Variants in PCDH7 observed in about 807,000 individuals in gnomAD.
PCDH7 encodes protocadherin-7.
Under a neutral mutation model 58.9 loss-of-function variants are expected in PCDH7, and 17 were observed. The ratio of observed to expected loss-of-function variants is 0.29; its 90% confidence interval spans 0.20 to 0.43. The LOEUF is 0.43. Among genes scored for constraint, PCDH7 ranks in the 20% least tolerant of loss-of-function variants. The pLI is 1.00. For synonymous variants in PCDH7, 664 were observed against 616.4 expected, an observed-to-expected ratio of 1.08 and a Z score of -1.14; for missense variants, 1,274 against 1,441.0, an observed-to-expected ratio of 0.88 and a Z score of 1.88.
chr4:31,016,870 AGT>A (rs1216864006), intron 3 of PCDH7, among the ~76,000 whole-genome samples: 2 of 111,154 alleles, frequency 1.8e-5, no homozygotes, highest in Non-Finnish European at 3.8e-5. Context: ...GTGTGTGCTG[AGT>A]GTGTGTGCAT....
intron 3 of PCDH7, among the ~76,000 whole-genome samples, chr4:31,124,072 C>G (rs1455213264): frequency 6.6e-6 from 1 of 152,022 alleles, no homozygotes; most frequent in Non-Finnish European, 1.5e-5. Context: ...TGTGACGGGC[C>G]AGGGTGGTTT....
chr4:31,056,523 G>A (rs116214040), intron 3 of PCDH7, among the ~76,000 whole-genome samples: 16,312 of 104,630 alleles, frequency 0.16, 1,315 homozygotes, highest in East Asian at 0.46. Flanking sequence ...GAAAGGGGAA[G>A]GGAAGGGAAG....
chr4:30,920,231 A>G (rs1560501882), exon 2 of PCDH7: 1 of 1,367,758 alleles, frequency 7.3e-7, no homozygotes, highest in East Asian at 4.6e-5. Context: ...TTGCTATGAC[A>G]GCGGGCTGGA....
At chr4:30,810,630 G>A (rs980050007) in intron 1 of PCDH7, among the ~76,000 whole-genome samples, 6 of 78,472 alleles carry the variant, frequency 7.6e-5, no homozygotes, top group African/African-American at 3.8e-4. Flanking sequence ...TTTTTTTTTT[G>A]AGAGGGAGTC....
intron 1 of PCDH7, among the ~76,000 whole-genome samples, chr4:30,874,618 C>T (rs1028253975): frequency 6.6e-6 from 1 of 151,228 alleles, no homozygotes; most frequent in Non-Finnish European, 1.5e-5. Flanking sequence ...TGCAGCACAC[C>T]AGCATGGCAC....
At chr4:30,783,443 C>T (rs543295758) in intron 1 of PCDH7, among the ~76,000 whole-genome samples, 1 of 152,156 alleles carries the variant, frequency 6.6e-6, no homozygotes, top group Non-Finnish European at 1.5e-5. Context: ...TTCATGGAAT[C>T]ATTTTACGTA....
At chr4:30,780,960 T>C (rs1220659375) in intron 1 of PCDH7, among the ~76,000 whole-genome samples, 6 of 152,138 alleles carry the variant, frequency 3.9e-5, no homozygotes, top group Non-Finnish European at 5.9e-5. Context: ...TATAAGCAGA[T>C]TGTAACCTTG....
Position 31,112,421 on chromosome 4 carries a change from T to G in PCDH7, c.*8-30052T>G, listed in dbSNP as rs115821258. ...TGATTTACATTTTCATAAAATCTAC[T>G]ATTAGGACAGCAAATTTATAATATT... is the stretch of plus-strand genomic sequence containing the variant. On this transcript the variant is annotated intron_variant, in intron 3 of 3. Transcript: ENST00000509759. Among the ~76,000 whole-genome samples the G allele has an allele frequency of 7.7e-3, 1,172 of 152,326 alleles. 12 individuals carry two copies. Among genetic ancestry groups the G allele is most frequent in the African/African-American group, 0.027 (1,102 of 41,576 alleles).
At chr4:31,086,257 T>A (rs2109277467) in intron 3 of PCDH7, among the ~76,000 whole-genome samples, 1 of 152,300 alleles carries the variant, frequency 6.6e-6, no homozygotes, top group Non-Finnish European at 1.5e-5. Context: ...AGAGTTCCTT[T>A]TATTTGTTTT....
chr4:30,869,138 A>C (rs1381826369), intron 1 of PCDH7: 1 of 152,086 alleles, frequency 6.6e-6, no homozygotes, highest in Non-Finnish European at 1.5e-5. Context: ...ACGCAGCAGC[A>C]TGCCACCCCA....
downstream of PCDH7, chr4:31,144,751 T>C (rs1477675735): frequency 6.6e-6 from 1 of 152,160 alleles, no homozygotes; most frequent in African/African-American, 2.4e-5. Flanking sequence ...AAATGGAGTT[T>C]TCATTTTGAT....
In PCDH7 at chr4:31,097,610, ATATATATATATATATATATATAT is replaced by A. The variant is rs1412008236; in HGVS notation, c.*8-44862_*8-44840del. 3.4e-4 allele frequency among the ~76,000 whole-genome samples: 11 copies of A among 32,308 alleles called. 1 individual carries two copies. The highest frequency in any genetic ancestry group is 2.9e-3 in the African/African-American group (10 of 3,468). 21.2% of individuals were successfully genotyped at this position (32,308 alleles called of 152,430 possible). On this transcript the variant is annotated intron_variant, in intron 3 of 3. Transcript: ENST00000509759. ...TACATATATATATATATATATATAT[ATATATATATATATATATATATAT>A]ATATAAATCTTTTTTCTGTAATTTC...
Position 30,879,012 on chromosome 4 carries a change from T to G in PCDH7, c.71-41141T>G, listed in dbSNP as rs576188475. ...GGGGAAAAAATATCCAAGTATATCC[T>G]CTAATAGTATTTATTAAAATATATA... On this transcript the variant is annotated intron_variant, in intron 1 of 3. Coordinates refer to the PCDH7 transcript ENST00000509759. Among the ~76,000 whole-genome samples the G allele has an allele frequency of 1.8e-4, 27 of 152,268 alleles. No individual in the cohort carries two copies. The East Asian group carries it at 4.1e-3, about 23-fold the overall frequency.
At chr4:30,935,115 A>G (rs553423194) in intron 2 of PCDH7, among the ~76,000 whole-genome samples, 2 of 152,200 alleles carry the variant, frequency 1.3e-5, no homozygotes, top group South Asian at 4.1e-4. Flanking sequence ...TTACTTTACT[A>G]TATTTAGTGA....
At chr4:31,095,610 G>A (rs984981890) in intron 3 of PCDH7, among the ~76,000 whole-genome samples, 1 of 152,040 alleles carries the variant, frequency 6.6e-6, no homozygotes, top group Non-Finnish European at 1.5e-5. Context: ...AAATTTAAAA[G>A]AAGACTCCTC....
In PCDH7 at chr4:30,965,936, A is replaced by G. The variant is rs61792869; in HGVS notation, c.*7+15721A>G. On this transcript the variant is annotated intron_variant, in intron 3 of 3. Transcript: ENST00000509759. ...CCGGACAGGATGGCCATTTTCATCT[A>G]AAAGTATTTCTGCAGAGTGAAAATG... Among the ~76,000 whole-genome samples the G allele has an allele frequency of 9.9e-3, 1,503 of 152,262 alleles. 17 individuals carry two copies. Among genetic ancestry groups the G allele is most frequent in the Non-Finnish European group, 0.014 (951 of 67,980 alleles).
intron 1 of PCDH7, among the ~76,000 whole-genome samples, chr4:30,754,317 G>T (rs1301997337): frequency 6.6e-6 from 1 of 152,070 alleles, no homozygotes; most frequent in African/African-American, 2.4e-5. Flanking sequence ...CAAGTCATTT[G>T]TCAAGTGAAA....
chr4:30,734,948 G>A (rs1245746714), downstream of PCDH7, among the ~76,000 whole-genome samples: 1 of 152,090 alleles, frequency 6.6e-6, no homozygotes, highest in Non-Finnish European at 1.5e-5. Context: ...CGGAGTCCCT[G>A]CCTTCCTTGT....
intron 3 of PCDH7, among the ~76,000 whole-genome samples, chr4:31,049,392 G>T (rs1433410449): frequency 6.6e-6 from 1 of 152,108 alleles, no homozygotes; most frequent in Non-Finnish European, 1.5e-5. Flanking sequence ...GTGATAGGAG[G>T]TATAGGCCCT....
Sources: gnomAD v4.1 joint callset for allele counts (sites outside exome capture counted in the v4.1 genomes callset) on GRCh38, gnomAD v4.1.1 for gene constraint, MANE v1.5 for transcripts, NCBI Gene and HGNC (gene_info 2026-07-23, HGNC 2026-07-21) for gene names.